Variants in NRXN1 observed in about 807,000 individuals in gnomAD.
NRXN1 encodes neurexin 1.
In NRXN1, 39 loss-of-function variants were observed where a neutral mutation model predicts 150.9. The ratio of observed to expected loss-of-function variants is 0.26; its 90% CI spans 0.20 to 0.34. The LOEUF (loss-of-function observed/expected upper bound fraction) is 0.34. Among genes scored for constraint, NRXN1 ranks in the 10% least tolerant of loss-of-function variants. NRXN1 has a pLI of 1.00. For missense variants in NRXN1, 1,815 were observed against 1,949.9 expected (o/e 0.93, Z 1.30); for synonymous variants, 924 against 757.0 (o/e 1.22, Z -3.62).
intron 21 of NRXN1, chr2:49,973,965 T>C (rs1369718136): frequency 2.8e-6 from 2 of 717,258 alleles, no homozygotes; most frequent in South Asian, 3.0e-5. Context: ...CAGAAGAAGC[T>C]ACCTGCAAGT....
chr2:50,484,219 T>A (rs769866953), intron 15 of NRXN1, among the ~76,000 whole-genome samples: 1 of 152,332 alleles, frequency 6.6e-6, no homozygotes, highest in South Asian at 2.1e-4. Flanking sequence ...ATGAGCTTCC[T>A]GGAGTCAAAT....
chr2:50,702,146 G>C (rs1693828583), intron 5 of NRXN1, among the ~76,000 whole-genome samples: 1 of 152,078 alleles, frequency 6.6e-6, no homozygotes, highest in Admixed American at 6.5e-5. Context: ...AGGATTATTA[G>C]ATATTCTTAG....
At chr2:50,395,659 A>C (rs894240258) in intron 17 of NRXN1, among the ~76,000 whole-genome samples, 9 of 152,174 alleles carry the variant, frequency 5.9e-5, no homozygotes, top group African/African-American at 2.2e-4. Context: ...AGAACAACTT[A>C]ACTTATGCCA....
Position 50,978,395 on chromosome 2 carries a change from T to C in NRXN1, c.772+49107A>G, listed in dbSNP as rs555704159. 2.7e-4 allele frequency among the ~76,000 whole-genome samples: 41 copies of C among 149,240 alleles called. 1 individual carries two copies. The East Asian group carries it at 8.1e-3, about 29-fold the overall frequency. ...ATTCAATTCTTAATAACAACAAATA[T>C]ATTTTCAGGTCAACAATATGTATTT... On this transcript the variant is annotated intron_variant, in intron 2 of 22. Coordinates refer to ENST00000401669, the MANE Select transcript of NRXN1 (RefSeq NM_001330078.2).
intron 2 of NRXN1, among the ~76,000 whole-genome samples, chr2:50,988,685 A>G (rs1698085548): frequency 6.6e-6 from 1 of 151,996 alleles, no homozygotes. Context: ...AACAACCGAG[A>G]TAACTCATTG....
intron 17 of NRXN1, among the ~76,000 whole-genome samples, chr2:50,342,199 A>G (rs1291631902): frequency 2.0e-5 from 3 of 152,272 alleles, no homozygotes; most frequent in Non-Finnish European, 4.4e-5. Context: ...AAATAAATCT[A>G]TTAAAGTTTT....
At chr2:50,022,657 G>C (rs1687742045) in intron 21 of NRXN1, 1 of 152,144 alleles carries the variant, frequency 6.6e-6, no homozygotes, top group Non-Finnish European at 1.5e-5. Flanking sequence ...AGAATAGTAT[G>C]TTTGATTTAT....
chr2:50,326,580 T>C (rs1296840759), intron 17 of NRXN1, among the ~76,000 whole-genome samples: 1 of 152,206 alleles, frequency 6.6e-6, no homozygotes, highest in Non-Finnish European at 1.5e-5. Context: ...TTGATATATT[T>C]GAAGTTTTCA....
chr2:49,990,191 G>A (rs1203873950), intron 21 of NRXN1, among the ~76,000 whole-genome samples: 22 of 152,014 alleles, frequency 1.4e-4, no homozygotes, highest in Admixed American at 1.4e-3. Flanking sequence ...TGTTAGATTT[G>A]AACAATCAGA....
chr2:50,335,430 A>G (rs1393918090), intron 17 of NRXN1, among the ~76,000 whole-genome samples: 2 of 152,178 alleles, frequency 1.3e-5, no homozygotes, highest in East Asian at 1.9e-4. Context: ...AGGTAAAGAT[A>G]GCTTTGTGTT....
chr2:50,886,815 A>G (rs545775178), intron 5 of NRXN1, among the ~76,000 whole-genome samples: 5 of 151,504 alleles, frequency 3.3e-5, no homozygotes, highest in African/African-American at 1.2e-4. Flanking sequence ...GTCTAATAAT[A>G]GCTATATTAT....
chr2:50,487,930 G>T (rs568603071), intron 15 of NRXN1, among the ~76,000 whole-genome samples: 15 of 152,222 alleles, frequency 9.9e-5, no homozygotes, highest in African/African-American at 3.6e-4. Context: ...TCTGACTATT[G>T]CTTGGCTTTG....
chr2:50,198,752 A>T (rs2061940041), intron 18 of NRXN1, among the ~76,000 whole-genome samples: 3 of 152,188 alleles, frequency 2.0e-5, no homozygotes, highest in African/African-American at 7.2e-5. Flanking sequence ...ATCAGGCTAA[A>T]ATATTTGCTT....
chr2:49,998,542 T>C (rs1325639822), intron 21 of NRXN1, among the ~76,000 whole-genome samples: 3 of 152,162 alleles, frequency 2.0e-5, no homozygotes, highest in Non-Finnish European at 4.4e-5. Context: ...CACATGTGAA[T>C]TGGAGCATAC....
chr2:50,097,915 A>T (rs1573897944), intron 18 of NRXN1, among the ~76,000 whole-genome samples: 1 of 152,238 alleles, frequency 6.6e-6, no homozygotes, highest in South Asian at 2.1e-4. Context: ...CTGGGATTAC[A>T]CGTGTGAGCC....
chr2:50,542,758 T>C (rs2093418235), intron 9 of NRXN1, among the ~76,000 whole-genome samples: 1 of 152,180 alleles, frequency 6.6e-6, no homozygotes, highest in South Asian at 2.1e-4. Context: ...TGTCCTGAAA[T>C]AGACACATTT....
intron 18 of NRXN1, among the ~76,000 whole-genome samples, chr2:50,192,549 T>C (rs1217209993): frequency 6.6e-6 from 1 of 151,790 alleles, no homozygotes; most frequent in Non-Finnish European, 1.5e-5. Context: ...ATTATATTTT[T>C]GTAAAATGAT....
chr2:50,952,210 C>G lies in NRXN1; in HGVS notation c.773-26255G>C, dbSNP rs1465845928. Among the ~76,000 whole-genome samples the G allele has an allele frequency of 2.6e-5, 4 of 151,550 alleles. No individual in the cohort carries two copies. In the East Asian group the frequency reaches 7.7e-4, roughly 29 times the overall value. On this transcript the variant is annotated intron_variant, in intron 2 of 22. Coordinates refer to ENST00000401669, the MANE Select transcript of NRXN1 (RefSeq NM_001330078.2). ...CTCGATCTCCTGACCTCGTGATCCGCCCGCCTCGGCCTCCCAAAGTGCTGG... is the reference window on the plus strand; with the variant it reads ...CTCGATCTCCTGACCTCGTGATCCGGCCGCCTCGGCCTCCCAAAGTGCTGG...
chr2:50,831,413 A>G lies in NRXN1; in HGVS notation c.832+90456T>C, dbSNP rs192337689. 4.1e-3 allele frequency among the ~76,000 whole-genome samples: 622 copies of G among 152,284 alleles called. 7 individuals are homozygous for G. Among genetic ancestry groups the G allele is most frequent in the Middle Eastern group, 6.8e-3 (2 of 294 alleles). ...TGTAAACATGTCTAATTCCCTTTTT[A>G]TAAGTACAAAACCAGTCACAATTAG... is the stretch of plus-strand genomic sequence containing the variant. On this transcript the variant is annotated intron_variant, in intron 5 of 22. Transcript: ENST00000401669.
Sources: allele counts gnomAD v4.1 joint callset (sites outside exome capture counted in the v4.1 genomes callset), GRCh38; gene constraint gnomAD v4.1.1; transcripts MANE v1.5; gene names NCBI Gene and HGNC (gene_info 2026-07-23, HGNC 2026-07-21).